L1CAM: variants seen among roughly 807,000 people sequenced by gnomAD.
L1CAM encodes neural cell adhesion molecule L1.
In L1CAM, 8 loss-of-function variants were observed where a neutral mutation model predicts 93.0. That is an observed-to-expected ratio of 0.09 (90% CI 0.05 to 0.16). The LOEUF (loss-of-function observed/expected upper bound fraction) is 0.16. Ranked by LOEUF, L1CAM falls within the 10% of genes least tolerant of loss-of-function variation. The probability of loss-of-function intolerance (pLI) is 1.00; values close to 1 mark genes in which losing one functional copy is unlikely to be tolerated. For synonymous variants in L1CAM, 453 were observed against 453.0 expected (o/e 1.00, Z 0.00); for missense variants, 777 against 1,073.4 (o/e 0.72, Z 3.86).
chrX:153,873,168 G>A, intron 3 of L1CAM, 60 bp downstream of exon 3: 1 of 1,132,913 alleles, frequency 8.8e-7, no homozygotes, highest in Non-Finnish European at 1.2e-6. Context: ...GCTCAGCTGA[G>A]GGCCTCCTTA....
Position 153,863,952 on chromosome X carries a change from T to C in L1CAM, c.3388A>G (p.Ile1130Val), listed in dbSNP as rs140508235. 2.9e-5 allele frequency: 35 copies of C among 1,211,011 alleles called. No individual in the cohort carries two copies. In the South Asian group the frequency reaches 3.5e-4, roughly 12 times the overall value. The change falls in exon 26 of 29, where the codon ATC becomes GTC. Residue 1130 changes from isoleucine to valine, a missense_variant. Physicochemically the swap from Ile to Val is conservative, Grantham distance 29. Coordinates refer to ENST00000370060, the MANE Select transcript of L1CAM (RefSeq NM_001278116.2). ...EGWFIGFVSAIILLLLVLLIL... is the reference protein window; with the variant it reads ...EGWFIGFVSAVILLLLVLLIL... ...AGCAGGACGAGGAGCAGGAGGATGA[T>C]GGCACTCACAAAGCCGATGAACCAG... is the stretch of plus-strand genomic sequence containing the variant.
intron 6 of L1CAM, 25 bp downstream of exon 6, chrX:153,871,032 G>A (rs200213179): frequency 7.4e-6 from 9 of 1,208,947 alleles, no homozygotes; most frequent in South Asian, 3.5e-5. Context: ...CCGACCCCAC[G>A]AGGCAGCCGC....
rs201860968 is a variant in L1CAM, at chrX:153,862,532, C to T, written c.*131G>A. ...TGGGTTTTGGCAATAAAGTGGGGAC[C>T]GGGTGGTAGGAAGGGGATCCGAGGC... On this transcript the variant is annotated 3_prime_UTR_variant, in exon 29 of 29. Transcript: ENST00000370060. The T allele has an allele frequency of 1.2e-4, 59 of 500,590 alleles. No individual in the cohort carries two copies. The African/African-American group carries it at 1.3e-3, about 11-fold the overall frequency. 41.3% of individuals were successfully genotyped at this position (500,590 alleles called of 1,213,427 possible).
At chrX:153,879,845 G>C (rs782191318) in intron 1 of L1CAM, among the ~76,000 whole-genome samples, 8 of 112,176 alleles carry the variant, frequency 7.1e-5, no homozygotes, top group African/African-American at 9.7e-5. Context: ...CTGCTGGCTG[G>C]GAGTAAGTGG....
chrX:153,884,756 C>T (rs1307675519), intron 1 of L1CAM, among the ~76,000 whole-genome samples: 1 of 112,629 alleles, frequency 8.9e-6, no homozygotes. Context: ...GGGCCAAGTC[C>T]CACCACCTGC....
chrX:153,866,480 C>G (rs2064714357), intron 19 of L1CAM, among the ~76,000 whole-genome samples, 169 bp downstream of exon 19: 1 of 111,727 alleles, frequency 9.0e-6, no homozygotes, highest in Non-Finnish European at 1.9e-5. Context: ...ATACCGCTGC[C>G]AATTATAGAA....
chrX:153,868,364 C>A lies in L1CAM; in HGVS notation c.1641G>T (p.Leu547Phe). 8.3e-7 allele frequency: 1 copy of A among 1,211,675 alleles called. No homozygotes were observed. Among genetic ancestry groups the A allele is most frequent in the Non-Finnish European group, 1.1e-6 (1 of 895,382 alleles). Residue 547 changes from leucine to phenylalanine, a missense_variant, in exon 14 of 29, where the codon TTG becomes TTT. By Grantham distance (22) the Leu-to-Phe change is conservative. Coordinates refer to ENST00000370060, the MANE Select transcript of L1CAM (RefSeq NM_001278116.2). ...CCCCACGCCAGGTGATGCTGGGCTG[C>A]AAGGAGGGGTCAAAGGAGGCCTGGC... ...FTCQASFDPS[L>F]QPSITWRGDG... is the part of the protein sequence containing the mutation.
In L1CAM at chrX:153,870,964, CA is replaced by C; in HGVS notation, c.524-5del. 8.3e-7 allele frequency: 1 copy of C among 1,211,311 alleles called. No homozygotes were observed. Among genetic ancestry groups the C allele is most frequent in the Non-Finnish European group, 1.1e-6 (1 of 895,393 alleles). On this transcript the variant is annotated splice_polypyrimidine_tract_variant and splice_region_variant and intron_variant, in intron 6 of 28. Coordinates refer to ENST00000370060, the MANE Select transcript of L1CAM (RefSeq NM_001278116.2). ...TCCTGCTTGATGTGCAAGATCTCTG[CA>C]GGGGGCAAGGAGGCCGAAGTCATGA...
intron 1 of L1CAM, among the ~76,000 whole-genome samples, chrX:153,877,287 C>CAAAAAAAAAAAAAA (rs34384910): frequency 7.8e-5 from 1 of 12,815 alleles, no homozygotes; most frequent in African/African-American, 1.9e-4. Context: ...ACTAAAAATA[C>CAAAAAAAAAAAAAA]AAAAAAAAAA....
chrX:153,870,775 G>A lies in L1CAM; in HGVS notation c.694+15C>T. ...AAAGGAGTCAGGGAGAGAGTGCAGA[G>A]CCTCTGAGACTCACTGGCCTTGACC... On this transcript the variant is annotated intron_variant, in intron 7 of 28. Coordinates refer to ENST00000370060, the MANE Select transcript of L1CAM (RefSeq NM_001278116.2). The A allele has an allele frequency of 8.3e-7, 1 of 1,202,654 alleles. No individual in the cohort carries two copies. The highest frequency in any genetic ancestry group is 1.1e-6 in the Non-Finnish European group (1 of 887,169).
intron 1 of L1CAM, chrX:153,880,753 T>C (rs1005633141): frequency 6.1e-5 from 19 of 310,684 alleles, no homozygotes; most frequent in African/African-American, 4.9e-4. Context: ...TGTTATGTGT[T>C]ATGTAGACAG....
intron 1 of L1CAM, chrX:153,880,269 C>G (rs2064837525): frequency 7.0e-6 from 1 of 141,916 alleles, no homozygotes; most frequent in Non-Finnish European, 1.4e-5. Context: ...CCATCACCAC[C>G]ACCACCACAC....
intron 5 of L1CAM, 88 bp from the exon 6 acceptor site, chrX:153,871,267 C>T: frequency 1.3e-6 from 1 of 779,200 alleles, no homozygotes; most frequent in Non-Finnish European, 1.9e-6. Flanking sequence ...GGGTGGCGGG[C>T]TACACCAGGG....
intron 11 of L1CAM, among the ~76,000 whole-genome samples, 157 bp downstream of exon 11, chrX:153,869,363 G>A (rs2064745520): frequency 8.9e-6 from 1 of 112,507 alleles, no homozygotes; most frequent in South Asian, 3.6e-4. Context: ...GTGAGGCTGA[G>A]TGAGATGGGG....
At chrX:153,869,421 A>G in intron 11 of L1CAM, 99 bp downstream of exon 11, 2 of 997,446 alleles carry the variant, frequency 2.0e-6, no homozygotes, top group Admixed American at 2.4e-5. Flanking sequence ...TGGTAGGCCG[A>G]GGACACATCA....
At position 153,867,546 on chromosome X, in the gene L1CAM, G is replaced by A; in HGVS notation, c.1947C>T (p.Asp649=). The A allele has an allele frequency of 1.7e-6, 2 of 1,208,150 alleles. No individual in the cohort carries two copies. Among genetic ancestry groups the A allele is most frequent in the Admixed American group, 4.3e-5 (2 of 46,047 alleles). ...EDHNAPIEKY[D]IEFEDKEMAP... ...CCATTTCCTTGTCCTCAAATTCAAT[G>A]TCATATTCTGCCAAGAAATGAACCG... The change falls in exon 17 of 29, where the codon GAC becomes GAT. Residue 649 remains aspartate (D), a synonymous_variant. Coordinates refer to ENST00000370060, the MANE Select transcript of L1CAM (RefSeq NM_001278116.2).
chrX:153,871,019 AC>A (rs782692131), intron 6 of L1CAM, 37 bp downstream of exon 6: 1 of 1,209,626 alleles, frequency 8.3e-7, no homozygotes, highest in Middle Eastern at 2.3e-4. Flanking sequence ...CCCCGCTAAC[AC>A]CCCGACCCCA....
In L1CAM at chrX:153,862,772, T is replaced by C; in HGVS notation, c.3665A>G (p.Asp1222Gly). Residue 1222 changes from aspartate (D) to glycine (G), a missense_variant, in exon 29 of 29, where the codon GAT (aspartate) becomes GGT (glycine). Around this residue, in one of 5 missense-constraint regions of L1CAM, gnomAD observed 110 missense variants for 141.7 expected, o/e 0.78. Transcript: ENST00000370060. ...GGSVDVQFNE[D>G]GSFIGQYSGK... ...ACTGTACTGGCCAATGAACGAACCA[T>C]CCTCGTTGAACTGAACATCCACGCT... The C allele has an allele frequency of 8.3e-7, 1 of 1,211,864 alleles. No homozygotes were observed. Among genetic ancestry groups the C allele is most frequent in the Non-Finnish European group, 1.1e-6 (1 of 895,273 alleles).
At chrX:153,884,433 G>A (rs940676346) in intron 1 of L1CAM, 3 of 260,396 alleles carry the variant, frequency 1.2e-5, no homozygotes, top group African/African-American at 2.8e-5. Context: ...CGTGCTGAAC[G>A]TGTTTCCCTC....
Sources: gnomAD v4.1 joint callset for allele counts (sites outside exome capture counted in the v4.1 genomes callset) on GRCh38, gnomAD v4.1.1 for gene constraint, gnomAD v4.1.1 regional missense constraint, MANE v1.5 for transcripts, NCBI Gene and HGNC (gene_info 2026-07-23, HGNC 2026-07-21) for gene names.